MMP24: variants seen among roughly 807,000 people sequenced by gnomAD.
The protein encoded by MMP24 is matrix metallopeptidase 24.
Under a neutral mutation model 62.8 loss-of-function variants are expected in MMP24, and 25 were observed. The observed-to-expected ratio is 0.40, with a 90% confidence interval of 0.29 to 0.56. The LOEUF is 0.56. Ranked by LOEUF, MMP24 falls within the 20% of genes least tolerant of loss-of-function variation. The probability of loss-of-function intolerance (pLI) is 0.50; values close to 1 mark genes in which losing one functional copy is unlikely to be tolerated. For missense variants in MMP24, 634 were observed against 853.6 expected (o/e 0.74, Z 3.21); for synonymous variants, 319 against 350.5 (o/e 0.91, Z 1.00).
rs948162719 is a variant in MMP24, at chr20:35,274,958, C to T, written c.*349C>T. Reference sequence around the variant, plus strand: ...GTCCATGAGGTACCACAGCTCCACTCCTGGCTGGAACCCAGCACCCTCTGT... The same window carrying T: ...GTCCATGAGGTACCACAGCTCCACTTCTGGCTGGAACCCAGCACCCTCTGT... On this transcript the variant is annotated 3_prime_UTR_variant, in exon 9 of 9. Coordinates refer to ENST00000246186, the MANE Select transcript of MMP24 (RefSeq NM_006690.4). The surrounding 1 kb of genome is among the most constrained non-coding windows in gnomAD (Gnocchi z 5.1). 3 of 273,896 alleles carry T rather than the reference C, an allele frequency of 1.1e-5. No homozygotes were observed. Among genetic ancestry groups the T allele is most frequent in the African/African-American group, 6.6e-5 (3 of 45,138 alleles). 17.0% of individuals were successfully genotyped at this position (273,896 alleles called of 1,614,324 possible).
At position 35,274,765 on chromosome 20, in the gene MMP24, C is replaced by T. The variant is rs766444930; in HGVS notation, c.*156C>T. Reference sequence around the variant, plus strand: ...GGTGGGTGCATTGGCCTAGGCTGAGCGTGGGGCAGGGAATTATGGGGGCTG... The same window carrying T: ...GGTGGGTGCATTGGCCTAGGCTGAGTGTGGGGCAGGGAATTATGGGGGCTG... On this transcript the variant is annotated 3_prime_UTR_variant, in exon 9 of 9. Coordinates refer to ENST00000246186, the MANE Select transcript of MMP24 (RefSeq NM_006690.4). The surrounding 1 kb of genome is among the most constrained non-coding windows in gnomAD (Gnocchi z 5.1). The T allele has an allele frequency of 3.8e-5, 26 of 683,198 alleles. No homozygotes were observed. The East Asian group carries it at 6.1e-4, about 16-fold the overall frequency. The allele number at this position is 683,198 out of a possible 1,614,324, so 42.3% of individuals were successfully genotyped here.
Position 35,226,950 on chromosome 20 carries a change from G to GCT in MMP24, c.212_213insCT (p.Ala72TrpfsTer15). 1.0e-6 allele frequency: 1 copy of GCT among 975,256 alleles called. No individual in the cohort carries two copies. Among genetic ancestry groups the GCT allele is most frequent in the Non-Finnish European group, 1.2e-6 (1 of 823,460 alleles). The allele number at this position is 975,256 out of a possible 1,614,324, so 60.4% of individuals were successfully genotyped here. On this transcript the variant is annotated frameshift_variant, in exon 1 of 9. Coordinates refer to ENST00000246186, the MANE Select transcript of MMP24 (RefSeq NM_006690.4). LOFTEE classifies it high-confidence loss of function. ...GCAGCGGTGGCGGTGGCGGTGGCGC[G>GCT]GGCGGACGAGGCGGAGGCGCCCTTC...
intron 1 of MMP24, among the ~76,000 whole-genome samples, chr20:35,232,999 G>A (rs1028820144): frequency 6.6e-5 from 10 of 151,970 alleles, no homozygotes; most frequent in African/African-American, 1.5e-4. Context: ...CAAGTGACCC[G>A]CCCACCTTGG....
At chr20:35,265,314 C>T (rs1051115810) in intron 5 of MMP24, among the ~76,000 whole-genome samples, 1 of 151,986 alleles carries the variant, frequency 6.6e-6, no homozygotes, top group Non-Finnish European at 1.5e-5. Flanking sequence ...TGGTGGTGCA[C>T]GCCTATAATC....
intron 4 of MMP24, among the ~76,000 whole-genome samples, chr20:35,258,889 G>T (rs898531204): frequency 6.6e-6 from 1 of 152,002 alleles, no homozygotes; most frequent in Non-Finnish European, 1.5e-5. Flanking sequence ...TGTTTAAAAG[G>T]CTCCCCGGGC....
At chr20:35,240,246 T>G (rs926894913) in intron 1 of MMP24, among the ~76,000 whole-genome samples, 9 of 152,112 alleles carry the variant, frequency 5.9e-5, no homozygotes, top group Non-Finnish European at 1.3e-4. Flanking sequence ...CTGCCACCAC[T>G]CCGGGACTTC....
At chr20:35,235,586 T>A (rs1012673204) in intron 1 of MMP24, among the ~76,000 whole-genome samples, 1 of 152,034 alleles carries the variant, frequency 6.6e-6, no homozygotes, top group Non-Finnish European at 1.5e-5. Flanking sequence ...TAATCCCAGC[T>A]ACTTAGGAGG....
At position 35,263,903 on chromosome 20, in the gene MMP24, C is replaced by T; in HGVS notation, c.930C>T (p.His310=). 1 of 1,612,734 alleles carries T rather than the reference C, an allele frequency of 6.2e-7. No individual in the cohort carries two copies. The highest frequency in any genetic ancestry group is 1.3e-5 in the African/African-American group (1 of 75,014). ...CCTTCTACCAGTACATGGAGACGCA[C>T]AACTTCAAGCTGCCCCAGGACGATC... ...MAPFYQYMET[H]NFKLPQDDLQ... The change falls in exon 5 of 9, where the codon CAC becomes CAT. Residue 310 remains histidine, a synonymous_variant. Coordinates refer to ENST00000246186, the MANE Select transcript of MMP24 (RefSeq NM_006690.4).
intron 2 of MMP24, among the ~76,000 whole-genome samples, chr20:35,251,404 C>T (rs1231599297): frequency 6.6e-6 from 1 of 152,152 alleles, no homozygotes; most frequent in Non-Finnish European, 1.5e-5. Context: ...GGATTACAGG[C>T]GTGAGCCACC....
intron 1 of MMP24, among the ~76,000 whole-genome samples, chr20:35,234,289 C>T (rs529109181): frequency 6.6e-6 from 1 of 152,264 alleles, no homozygotes; most frequent in East Asian, 1.9e-4. Flanking sequence ...TATCTCCTGC[C>T]ACACACTTTT....
intron 2 of MMP24, among the ~76,000 whole-genome samples, chr20:35,249,190 T>C (rs528362165): frequency 4.4e-4 from 67 of 152,310 alleles, no homozygotes; most frequent in African/African-American, 1.6e-3. Flanking sequence ...CTCTGTGACC[T>C]TGGGCAATGG....
At position 35,275,928 on chromosome 20, in the gene MMP24, G is replaced by T. The variant is rs569697265; in HGVS notation, c.*1319G>T. 2.5e-6 allele frequency: 1 copy of T among 398,430 alleles called. No homozygotes were observed. Among genetic ancestry groups the T allele is most frequent in the East Asian group, 3.6e-5 (1 of 28,080 alleles). 24.7% of individuals were successfully genotyped at this position (398,430 alleles called of 1,614,324 possible). ...ACTGTCTCCAGCAGGAGTTCCTAGG[G>T]CTTGGCCTGCCTTGCTCCACAGTAC... On this transcript the variant is annotated 3_prime_UTR_variant, in exon 9 of 9. Coordinates refer to ENST00000246186, the MANE Select transcript of MMP24 (RefSeq NM_006690.4).
At position 35,254,741 on chromosome 20, in the gene MMP24, T is replaced by A. The variant is rs1465890528; in HGVS notation, c.804T>A (p.Asn268Lys). The change falls in exon 4 of 9, where the codon AAT becomes AAA. Residue 268 changes from asparagine to lysine, a missense_variant. By Grantham distance (94) the Asn-to-Lys change is moderately conservative. Around this residue, in one of 3 missense-constraint regions of MMP24, gnomAD observed 399 missense variants for 530.8 expected, o/e 0.75. Coordinates refer to ENST00000246186, the MANE Select transcript of MMP24 (RefSeq NM_006690.4). ...CCGATGAGCCATGGACGCTAGGAAA[T>A]GCCAACCATGACGGTAAGGCCATGA... ...FDSDEPWTLG[N>K]ANHDGNDLFL... 2 of 1,612,330 alleles carry A rather than the reference T, an allele frequency of 1.2e-6. No homozygotes were observed. Among genetic ancestry groups the A allele is most frequent in the African/African-American group, 2.7e-5 (2 of 74,982 alleles).
At chr20:35,256,950 C>T (rs142341628) in intron 4 of MMP24, among the ~76,000 whole-genome samples, 104 of 152,240 alleles carry the variant, frequency 6.8e-4, no homozygotes, top group African/African-American at 2.4e-3. Context: ...AACGGGGATT[C>T]CCAGGCCCTT....
intron 5 of MMP24, among the ~76,000 whole-genome samples, chr20:35,265,401 C>T (rs2146234258): frequency 6.6e-6 from 1 of 151,320 alleles, no homozygotes; most frequent in African/African-American, 2.4e-5. Flanking sequence ...GAGATCACAC[C>T]ACTGCACTCC....
intron 5 of MMP24, among the ~76,000 whole-genome samples, chr20:35,266,894 G>GC (rs1251787055): frequency 1.3e-5 from 2 of 152,084 alleles, no homozygotes; most frequent in Non-Finnish European, 2.9e-5. Flanking sequence ...AGGAAGTGGG[G>GC]CCAGTGCGTG....
At chr20:35,244,325 G>A (rs1263416072) in intron 1 of MMP24, among the ~76,000 whole-genome samples, 2 of 152,172 alleles carry the variant, frequency 1.3e-5, no homozygotes, top group Non-Finnish European at 2.9e-5. Context: ...GGAAGTGCTT[G>A]TGGGCTCAAC....
At chr20:35,227,384 G>A (rs1227718146) in intron 1 of MMP24, among the ~76,000 whole-genome samples, 1 of 151,924 alleles carries the variant, frequency 6.6e-6, no homozygotes, top group Non-Finnish European at 1.5e-5. Flanking sequence ...GCTGGAGAAG[G>A]GGGAGGGGGA....
At chr20:35,237,382 C>T (rs2060469111) in intron 1 of MMP24, among the ~76,000 whole-genome samples, 1 of 152,176 alleles carries the variant, frequency 6.6e-6, no homozygotes, top group South Asian at 2.1e-4. Flanking sequence ...CTGCTATAAC[C>T]TATGTCTCCC....
Sources: gnomAD v4.1 joint callset for allele counts (sites outside exome capture counted in the v4.1 genomes callset) on GRCh38, gnomAD v4.1.1 for gene constraint, gnomAD v4.1.1 regional missense constraint, Gnocchi (gnomAD v3.1) non-coding constraint, MANE v1.5 for transcripts, NCBI Gene and HGNC (gene_info 2026-07-23, HGNC 2026-07-21) for gene names.